The following EPN2 variants were observed in gnomAD, a reference collection of about 807,000 sequenced individuals.
The protein encoded by EPN2 is epsin 2.
Under a neutral mutation model 61.7 loss-of-function variants are expected in EPN2, and 34 were observed. The ratio of observed to expected loss-of-function variants is 0.55; its 90% confidence interval spans 0.42 to 0.73. EPN2 has a LOEUF of 0.73. Among genes scored for constraint, EPN2 ranks in the 30% least tolerant of loss-of-function variants. EPN2 has a pLI of 0.00. For missense variants in EPN2, 714 were observed against 839.2 expected (o/e 0.85, Z 1.84); for synonymous variants, 349 against 353.6 (o/e 0.99, Z 0.15).
Position 19,329,655 on chromosome 17 carries a change from C to T in EPN2, c.1411+8C>T, listed in dbSNP as rs746103384. Reference sequence around the variant, plus strand: ...GGACTTCAAAAAAAACAGGTATGTACAGGTGATGATGGTTTCCATAATCCT... The same window carrying T: ...GGACTTCAAAAAAAACAGGTATGTATAGGTGATGATGGTTTCCATAATCCT... On this transcript the variant is annotated splice_region_variant and intron_variant, in intron 9 of 10. Transcript: ENST00000314728. 2 of 1,547,806 alleles carry T rather than the reference C, an allele frequency of 1.3e-6. No individual in the cohort carries two copies.
chr17:19,334,113 C>T lies in EPN2; in HGVS notation c.1785C>T (p.Ser595=), dbSNP rs752244212. The T allele has an allele frequency of 4.3e-5, 69 of 1,607,818 alleles. No individual in the cohort carries two copies. Among genetic ancestry groups the T allele is most frequent in the East Asian group, 6.7e-5 (3 of 44,738 alleles). Residue 595 remains serine (S), a synonymous_variant, in exon 11 of 11, where the codon TCC becomes TCT. Transcript: ENST00000314728. This position sits in a 1 kb window ranked among gnomAD's most constrained non-coding sequence, Gnocchi z 4.9. The stretch of plus-strand genomic sequence containing the variant: ...CCATGGCTGTGGCCTCGATGACCTC[C>T]GCGGCCCCACAGCCAGCTCTGGGGG... The part of the protein sequence containing the change: ...VESMAVASMT[S]AAPQPALGAT...
At chr17:19,304,196 C>G (rs891342325) in intron 4 of EPN2, among the ~76,000 whole-genome samples, 1 of 152,218 alleles carries the variant, frequency 6.6e-6, no homozygotes, top group African/African-American at 2.4e-5. Context: ...CAGCATCTCC[C>G]TGCGAGGAGG....
At chr17:19,306,032 C>T (rs995020433) in intron 4 of EPN2, 1 of 152,208 alleles carries the variant, frequency 6.6e-6, no homozygotes, top group Non-Finnish European at 1.5e-5. Flanking sequence ...GGAGAAGGTC[C>T]GTGCATTTGA....
At position 19,293,070 on chromosome 17, in the gene EPN2, T is replaced by C. The variant is rs576421968; in HGVS notation, c.766+7280T>C. Among the ~76,000 whole-genome samples, 11 of 152,324 alleles carry C rather than the reference T, an allele frequency of 7.2e-5. No individual in the cohort carries two copies. In the South Asian group the frequency reaches 2.1e-3, roughly 29 times the overall value. On this transcript the variant is annotated intron_variant, in intron 4 of 10. Coordinates refer to ENST00000314728, the MANE Select transcript of EPN2 (RefSeq NM_014964.5). ...TTATATAATGCTTTTTTCTGTATTA[T>C]TATTTTTTTCTTTTTAAGATGGGAT... is the stretch of plus-strand genomic sequence containing the variant.
Position 19,309,904 on chromosome 17 carries a change from C to G in EPN2, c.786C>G (p.Ser262=), listed in dbSNP as rs1201874797. 4 of 1,608,224 alleles carry G rather than the reference C, an allele frequency of 2.5e-6. No individual in the cohort carries two copies. The highest frequency in any genetic ancestry group is 1.3e-5 in the African/African-American group (1 of 74,940). Residue 262 remains serine (S), a synonymous_variant, in exon 5 of 11, where the codon TCC becomes TCG. Coordinates refer to ENST00000314728, the MANE Select transcript of EPN2 (RefSeq NM_014964.5). ...RAARATSPRV[S]SELEQARPQT... ...CAACAGCCACCTCCCCGCGAGTGTC[C>G]TCCGAGCTGGAGCAAGCCCGGCCCC... is the stretch of plus-strand genomic sequence containing the variant.
chr17:19,288,811 A>G (rs1484954606), intron 4 of EPN2, among the ~76,000 whole-genome samples: 2 of 152,160 alleles, frequency 1.3e-5, no homozygotes, highest in African/African-American at 4.8e-5. Flanking sequence ...CTTTTGAAAC[A>G]CTTTCACTGT....
intron 7 of EPN2, among the ~76,000 whole-genome samples, chr17:19,317,815 G>A (rs546490823): frequency 6.6e-6 from 1 of 152,300 alleles, no homozygotes; most frequent in Non-Finnish European, 1.5e-5. Context: ...TCATAGAGGA[G>A]GAGCATGCCC....
intron 4 of EPN2, among the ~76,000 whole-genome samples, chr17:19,299,904 A>G (rs890175513): frequency 6.6e-6 from 1 of 152,196 alleles, no homozygotes; most frequent in African/African-American, 2.4e-5. Flanking sequence ...TAGAGCCATT[A>G]TTTGTTTTCA....
Position 19,328,899 on chromosome 17 carries a change from A to C in EPN2, c.1324+12A>C, listed in dbSNP as rs759868442. 10 of 1,595,626 alleles carry C rather than the reference A, an allele frequency of 6.3e-6. No homozygotes were observed. The highest frequency in any genetic ancestry group is 8.6e-6 in the Non-Finnish European group (10 of 1,168,784). The stretch of plus-strand genomic sequence containing the variant: ...CGTGTCTGTCTCTGGTGAGCCCCTC[A>C]CTCACCCACTTTCCTGCCTGGCCTC... On this transcript the variant is annotated intron_variant, in intron 8 of 10. Transcript: ENST00000314728.
chr17:19,315,423 G>T (rs1906339771), intron 7 of EPN2, among the ~76,000 whole-genome samples: 1 of 152,146 alleles, frequency 6.6e-6, no homozygotes, highest in Non-Finnish European at 1.5e-5. Flanking sequence ...CTTCACCTAG[G>T]AATGCTGCCC....
intron 4 of EPN2, among the ~76,000 whole-genome samples, chr17:19,308,941 A>C (rs1905986703): frequency 6.6e-6 from 1 of 152,260 alleles, no homozygotes; most frequent in East Asian, 1.9e-4. Context: ...TCATTCAATA[A>C]AAACTGTCTT....
At chr17:19,314,489 G>A (rs1240871067) in intron 7 of EPN2, among the ~76,000 whole-genome samples, 1 of 152,160 alleles carries the variant, frequency 6.6e-6, no homozygotes, top group Non-Finnish European at 1.5e-5. Flanking sequence ...GGTGTGAACT[G>A]GGAAGCAGGG....
At chr17:19,291,997 GGA>G (rs2045470338) in intron 4 of EPN2, among the ~76,000 whole-genome samples, 2 of 152,166 alleles carry the variant, frequency 1.3e-5, no homozygotes, top group Admixed American at 6.5e-5. Context: ...TACACACAAA[GGA>G]GAGTGTTTTG....
intron 4 of EPN2, among the ~76,000 whole-genome samples, chr17:19,299,159 G>A (rs1421511496): frequency 6.6e-6 from 1 of 152,118 alleles, no homozygotes; most frequent in Non-Finnish European, 1.5e-5. Context: ...TTTTGTAATC[G>A]ATTATTTCCA....
chr17:19,301,122 G>A (rs921620878), intron 4 of EPN2, among the ~76,000 whole-genome samples: 3 of 152,206 alleles, frequency 2.0e-5, no homozygotes, highest in Non-Finnish European at 2.9e-5. Flanking sequence ...GATGGGAAGC[G>A]AGCAGGGCCC....
chr17:19,288,530 A>G (rs1316838564), intron 4 of EPN2, among the ~76,000 whole-genome samples: 2 of 152,176 alleles, frequency 1.3e-5, no homozygotes, highest in Non-Finnish European at 2.9e-5. Context: ...GAGGTTGGAA[A>G]GAGCCTTCCA....
At position 19,272,595 on chromosome 17, in the gene EPN2, C is replaced by T. The variant is rs188495115; in HGVS notation, c.-293-9360C>T. ...GTACTGGCTTCTTGGTGCTACAGAG[C>T]GGTCGCAGCATTGGCCCTGATCCCT... On this transcript the variant is annotated intron_variant, in intron 1 of 10. Transcript: ENST00000314728. Among the ~76,000 whole-genome samples the T allele has an allele frequency of 1.6e-3, 242 of 152,222 alleles. 2 individuals carry two copies. Among genetic ancestry groups the T allele is most frequent in the Middle Eastern group, 0.01 (3 of 294 alleles).
Position 19,325,589 on chromosome 17 carries a change from C to T in EPN2, c.1148-3122C>T, listed in dbSNP as rs564051410. The stretch of plus-strand genomic sequence containing the variant: ...CAAACTTCCATAACCTGATAAAGGG[C>T]TTCTAAAAGGAAAAAAGCCTATAGC... On this transcript the variant is annotated intron_variant, in intron 7 of 10. Transcript: ENST00000314728. 2.0e-5 allele frequency among the ~76,000 whole-genome samples: 3 copies of T among 152,268 alleles called. No homozygotes were observed. The South Asian group carries it at 6.2e-4, about 32-fold the overall frequency.
At chr17:19,251,189 C>T (rs2045011431) in intron 1 of EPN2, among the ~76,000 whole-genome samples, 2 of 152,326 alleles carry the variant, frequency 1.3e-5, no homozygotes, top group South Asian at 2.1e-4. Flanking sequence ...ATCTGTGTGC[C>T]TTGCACTCTC....
Sources: allele counts gnomAD v4.1 joint callset (sites outside exome capture counted in the v4.1 genomes callset), GRCh38; gene constraint gnomAD v4.1.1; non-coding constraint Gnocchi (gnomAD v3.1); transcripts MANE v1.5; gene names NCBI Gene and HGNC (gene_info 2026-07-23, HGNC 2026-07-21).